The following VPS13B variants were observed in gnomAD, a reference collection of about 807,000 sequenced individuals.
The protein encoded by VPS13B is vacuolar protein sorting 13 homolog B, also known as intermembrane lipid transfer protein VPS13B.
In VPS13B, 285 loss-of-function variants were observed where a neutral mutation model predicts 426.4. The observed-to-expected ratio is 0.67, with a 90% confidence interval of 0.61 to 0.74. The LOEUF (loss-of-function observed/expected upper bound fraction) is 0.74. Among genes scored for constraint, VPS13B ranks in the 30% least tolerant of loss-of-function variants. The pLI, the probability that VPS13B is intolerant of heterozygous loss-of-function variation, is 0.00. For missense variants in VPS13B, 4,537 were observed against 4,782.6 expected, an observed-to-expected ratio of 0.95 and a Z score of 1.51; for synonymous variants, 1,676 against 1,676.4, an observed-to-expected ratio of 1.00 and a Z score of 0.01.
intron 8 of VPS13B, among the ~76,000 whole-genome samples, chr8:99,128,571 C>A (rs889434338): frequency 7.9e-5 from 12 of 151,918 alleles, no homozygotes; most frequent in Admixed American, 1.3e-4. Context: ...TTTATGGACT[C>A]ATTTTTCAGG....
chr8:99,383,440 CTTA>C (rs945429293), intron 19 of VPS13B, among the ~76,000 whole-genome samples: 1 of 151,940 alleles, frequency 6.6e-6, no homozygotes, highest in Admixed American at 6.6e-5. Flanking sequence ...AAAAGTTGAG[CTTA>C]TTATTATATT....
At chr8:99,495,771 GAGAT>G (rs1820850304) in intron 25 of VPS13B, among the ~76,000 whole-genome samples, 1 of 152,174 alleles carries the variant, frequency 6.6e-6, no homozygotes, top group South Asian at 2.1e-4. Flanking sequence ...TACTTAGGCT[GAGAT>G]AGATATTGCT....
intron 44 of VPS13B, among the ~76,000 whole-genome samples, chr8:99,811,368 G>T (rs990502055): frequency 2.0e-5 from 3 of 152,174 alleles, no homozygotes; most frequent in Non-Finnish European, 4.4e-5. Flanking sequence ...CATAAGGGAA[G>T]CTATTGTGTT....
intron 34 of VPS13B, among the ~76,000 whole-genome samples, chr8:99,652,356 T>C (rs1326037562): frequency 6.6e-6 from 1 of 152,172 alleles, no homozygotes; most frequent in Non-Finnish European, 1.5e-5. Context: ...GATTAAACAA[T>C]GTATGCGAAG....
At chr8:99,577,445 A>G (rs200308833) in intron 32 of VPS13B, 45 bp from the exon 33 acceptor site, 101 of 1,610,880 alleles carry the variant, frequency 6.3e-5, no homozygotes, top group Non-Finnish European at 7.6e-6. Context: ...TATCATCTGA[A>G]AGCTATCATG....
intron 25 of VPS13B, among the ~76,000 whole-genome samples, chr8:99,500,813 A>T (rs1821189874): frequency 6.6e-6 from 1 of 152,224 alleles, no homozygotes; most frequent in South Asian, 2.1e-4. Flanking sequence ...CATATCAATG[A>T]TTGCAGCATC....
intron 28 of VPS13B, chr8:99,507,769 G>A: frequency 6.2e-7 from 1 of 1,613,936 alleles, no homozygotes; most frequent in South Asian, 1.1e-5. Context: ...ATCACTTCAA[G>A]CCTTGGGGAA....
chr8:99,107,745 A>G (rs1847121590), intron 5 of VPS13B, among the ~76,000 whole-genome samples: 1 of 152,236 alleles, frequency 6.6e-6, no homozygotes, highest in South Asian at 2.1e-4. Context: ...ATATGTAAAC[A>G]TTCAGTTATG....
At chr8:99,253,589 C>A (rs1343285566) in intron 17 of VPS13B, among the ~76,000 whole-genome samples, 1 of 152,098 alleles carries the variant, frequency 6.6e-6, no homozygotes, top group Non-Finnish European at 1.5e-5. Context: ...ACTTTTTCCA[C>A]CCTTTCACTT....
chr8:99,826,063 G>A (rs1814666007), intron 51 of VPS13B, among the ~76,000 whole-genome samples: 1 of 152,034 alleles, frequency 6.6e-6, no homozygotes, highest in African/African-American at 2.4e-5. Flanking sequence ...GCTCTTTTTT[G>A]GTTCTACATG....
intron 31 of VPS13B, 123 bp downstream of exon 31, chr8:99,556,776 T>C (rs1824595936): frequency 2.8e-6 from 3 of 1,063,870 alleles, no homozygotes; most frequent in Admixed American, 2.0e-5. Context: ...CTTTTCATTA[T>C]AAGCATAAAA....
chr8:99,411,644 A>G (rs974284768), intron 21 of VPS13B, among the ~76,000 whole-genome samples: 1 of 152,104 alleles, frequency 6.6e-6, no homozygotes, highest in African/African-American at 2.4e-5. Context: ...GCCCATGCCT[A>G]TGTCCTGAAT....
At chr8:99,313,188 C>G (rs1048028381) in intron 19 of VPS13B, among the ~76,000 whole-genome samples, 33 of 152,190 alleles carry the variant, frequency 2.2e-4, no homozygotes, top group Admixed American at 2.2e-3. Context: ...GTTCTCCATC[C>G]AGCTTTGTTC....
At chr8:99,752,605 A>G (rs538551557) in intron 39 of VPS13B, among the ~76,000 whole-genome samples, 1 of 152,324 alleles carries the variant, frequency 6.6e-6, no homozygotes, top group Non-Finnish European at 1.5e-5. Flanking sequence ...AATATTTGAC[A>G]TATGAGGAAG....
chr8:99,030,378 G>T (rs1331992368), intron 2 of VPS13B, among the ~76,000 whole-genome samples: 2 of 151,596 alleles, frequency 1.3e-5, no homozygotes, highest in Non-Finnish European at 2.9e-5. Context: ...GTTTTCTCCG[G>T]ATACTCTGGT....
chr8:99,544,612 T>C (rs1301182313), intron 30 of VPS13B, among the ~76,000 whole-genome samples: 1 of 152,170 alleles, frequency 6.6e-6, no homozygotes, highest in Non-Finnish European at 1.5e-5. Flanking sequence ...GAATTCTACC[T>C]ACCGCTTTTT....
intron 29 of VPS13B, among the ~76,000 whole-genome samples, chr8:99,518,606 C>G (rs1489531417): frequency 1.3e-5 from 2 of 152,184 alleles, no homozygotes; most frequent in Middle Eastern, 3.4e-3. Flanking sequence ...TCCCTCCTCC[C>G]TTCATGGTTA....
At chr8:99,568,958 C>G (rs1355406001) in intron 31 of VPS13B, among the ~76,000 whole-genome samples, 1 of 151,672 alleles carries the variant, frequency 6.6e-6, no homozygotes, top group East Asian at 1.9e-4. Flanking sequence ...GCTACAGGCG[C>G]CCGCCACCAC....
intron 3 of VPS13B, among the ~76,000 whole-genome samples, chr8:99,080,697 A>G (rs776593833): frequency 6.6e-6 from 1 of 152,210 alleles, no homozygotes; most frequent in Non-Finnish European, 1.5e-5. Flanking sequence ...TATCTCTGAG[A>G]ATCCTAAACA....
Sources: gnomAD v4.1 joint callset for allele counts (sites outside exome capture counted in the v4.1 genomes callset) on GRCh38, gnomAD v4.1.1 for gene constraint, MANE v1.5 for transcripts, NCBI Gene and HGNC (gene_info 2026-07-23, HGNC 2026-07-21) for gene names.